The following CAPN9 variants were observed in gnomAD, a reference collection of about 807,000 sequenced individuals.
CAPN9 encodes calpain-9.
CAPN9 carries 81 observed loss-of-function variants against 92.8 expected under a neutral mutation model. The observed-to-expected ratio is 0.87, with a 90% CI of 0.73 to 1.05. The LOEUF (loss-of-function observed/expected upper bound fraction) is 1.05, where lower values mean the gene tolerates loss of function less well. Among genes scored for constraint, CAPN9 ranks in the 50% least tolerant of loss-of-function variants. The probability of loss-of-function intolerance (pLI) is 0.00; values close to 1 mark genes in which losing one functional copy is unlikely to be tolerated. For synonymous variants in CAPN9, 304 were observed against 328.0 expected (o/e 0.93, Z 0.79); for missense variants, 848 against 866.2 (o/e 0.98, Z 0.26).
intron 8 of CAPN9, among the ~76,000 whole-genome samples, chr1:230,775,824 G>A (rs1666720719): frequency 6.6e-6 from 1 of 151,728 alleles, no homozygotes; most frequent in East Asian, 1.9e-4. Context: ...GGCTGAGGCA[G>A]GAGAATGGCG....
chr1:230,753,629 C>G (rs935319619), intron 1 of CAPN9, among the ~76,000 whole-genome samples: 6 of 152,180 alleles, frequency 3.9e-5, no homozygotes, highest in Admixed American at 1.3e-4. Flanking sequence ...GAGCTCCCCA[C>G]GTGGCGTCCG....
chr1:230,787,342 A>T (rs1167747859), intron 12 of CAPN9, among the ~76,000 whole-genome samples, 180 bp from the exon 13 acceptor site: 1 of 152,104 alleles, frequency 6.6e-6, no homozygotes, highest in Non-Finnish European at 1.5e-5. Context: ...TTCTAGTCTC[A>T]CCTTCTAAAA....
intron 11 of CAPN9, among the ~76,000 whole-genome samples, chr1:230,784,492 C>T (rs1667444701): frequency 6.6e-6 from 1 of 152,270 alleles, no homozygotes; most frequent in African/African-American, 2.4e-5. Context: ...ACACTGTTAC[C>T]TGCATCCCAG....
chr1:230,760,387 G>A (rs1010292808), intron 3 of CAPN9, among the ~76,000 whole-genome samples: 3 of 152,036 alleles, frequency 2.0e-5, no homozygotes, highest in African/African-American at 7.2e-5. Flanking sequence ...CCGGCACAGA[G>A]CCAGGCACCG....
rs369351469 is a variant in CAPN9, at chr1:230,769,212, G to A, written c.738G>A (p.Thr246=). 3.7e-6 allele frequency: 6 copies of A among 1,614,150 alleles called. No homozygotes were observed. The highest frequency in any genetic ancestry group is 2.2e-5 in the South Asian group (2 of 91,082). The change falls in exon 6 of 20, where the codon ACG becomes ACA. Residue 246 remains threonine, a synonymous_variant. Transcript: ENST00000271971. ...TRSAAESEAR[T]PFGLIKGHAY... ...GTGCTGCAGAATCTGAGGCCCGGAC[G>A]CCGTTTGGTCTTATTAAGGGTCATG...
At position 230,783,237 on chromosome 1, in the gene CAPN9, G is replaced by A. The variant is rs566240122; in HGVS notation, c.1481+2529G>A. On this transcript the variant is annotated intron_variant, in intron 11 of 19. Coordinates refer to ENST00000271971, the MANE Select transcript of CAPN9 (RefSeq NM_006615.3). Reference sequence around the variant, plus strand: ...ACAAAACACTTTATCAGTTGCCCTTGTTAAAGTACATTAAAGAAATAAGGA... The same window carrying A: ...ACAAAACACTTTATCAGTTGCCCTTATTAAAGTACATTAAAGAAATAAGGA... Among the ~76,000 whole-genome samples the A allele has an allele frequency of 1.2e-3, 186 of 152,310 alleles. 1 individual carries two copies. Among genetic ancestry groups the A allele is most frequent in the African/African-American group, 4.2e-3 (174 of 41,572 alleles).
At chr1:230,750,878 T>C (rs1664717271) in intron 1 of CAPN9, among the ~76,000 whole-genome samples, 1 of 152,024 alleles carries the variant, frequency 6.6e-6, no homozygotes, top group South Asian at 2.1e-4. Context: ...GGTGATAGGC[T>C]CAACCTGGAG....
At chr1:230,748,147 A>G (rs1664546711) in intron 1 of CAPN9, among the ~76,000 whole-genome samples, 1 of 152,184 alleles carries the variant, frequency 6.6e-6, no homozygotes, top group Non-Finnish European at 1.5e-5. Flanking sequence ...TGGCTCAGCA[A>G]GGTCTCAGCA....
intron 11 of CAPN9, among the ~76,000 whole-genome samples, chr1:230,784,207 A>AT (rs1255191621): frequency 6.6e-6 from 1 of 152,254 alleles, no homozygotes; most frequent in Non-Finnish European, 1.5e-5. Context: ...GGGCATAAAA[A>AT]TTTGGAAAAT....
intron 4 of CAPN9, among the ~76,000 whole-genome samples, chr1:230,766,212 C>T (rs892518224): frequency 5.9e-5 from 9 of 152,232 alleles, no homozygotes; most frequent in African/African-American, 2.2e-4. Context: ...TCTCCTGCCT[C>T]AGCCTCCCGA....
Position 230,769,162 on chromosome 1 carries a change from G to A in CAPN9, c.706-18G>A. ...TGACTTAGACGGTGGGTGTGACTCTGCTCTTTCCATGTTTTAGACCAGAAG... is the reference window on the plus strand; with the variant it reads ...TGACTTAGACGGTGGGTGTGACTCTACTCTTTCCATGTTTTAGACCAGAAG... On this transcript the variant is annotated intron_variant, in intron 5 of 19. Transcript: ENST00000271971. 1.2e-6 allele frequency: 2 copies of A among 1,608,312 alleles called. No homozygotes were observed. The highest frequency in any genetic ancestry group is 1.7e-6 in the Non-Finnish European group (2 of 1,174,964).
intron 2 of CAPN9, among the ~76,000 whole-genome samples, chr1:230,756,715 C>T (rs928702895): frequency 1.3e-5 from 2 of 152,096 alleles, no homozygotes; most frequent in African/African-American, 4.8e-5. Flanking sequence ...GCAGGAGAAT[C>T]GCTTGAGCCG....
At position 230,792,933 on chromosome 1, in the gene CAPN9, A is replaced by C; in HGVS notation, c.1870+5A>C. On this transcript the variant is annotated splice_donor_5th_base_variant and intron_variant, in intron 17 of 19. Transcript: ENST00000271971. ...GGACTGCACTGAAAGCTGCAGGTAA[A>C]GAAAAGACTGGAGTACAGGTGGCTG... 6.2e-7 allele frequency: 1 copy of C among 1,610,238 alleles called. No homozygotes were observed. Among genetic ancestry groups the C allele is most frequent in the Non-Finnish European group, 8.5e-7 (1 of 1,176,624 alleles).
rs1667883983 is a variant in CAPN9 at position 230,790,194 on chromosome 1, G to T, written c.1657+5G>T. Reference sequence around the variant, plus strand: ...TAAATGCTGTGCTGCAAAAGAGTAAGTGCCAACCCCATCGGGGTCCTGGGG... The same window carrying T: ...TAAATGCTGTGCTGCAAAAGAGTAATTGCCAACCCCATCGGGGTCCTGGGG... On this transcript the variant is annotated splice_donor_5th_base_variant and intron_variant, in intron 14 of 19. Coordinates refer to ENST00000271971, the MANE Select transcript of CAPN9 (RefSeq NM_006615.3). The T allele has an allele frequency of 6.2e-7, 1 of 1,613,956 alleles. No individual in the cohort carries two copies. Among genetic ancestry groups the T allele is most frequent in the African/African-American group, 1.3e-5 (1 of 74,922 alleles).
rs1192757784 is a variant in CAPN9, at chr1:230,801,234, C to T, written c.2047-336C>T. On this transcript the variant is annotated intron_variant, in intron 19 of 19. Coordinates refer to ENST00000271971, the MANE Select transcript of CAPN9 (RefSeq NM_006615.3). ...CAAAGGTGAGAGGACCCCTCATCAA[C>T]AAGGAAAAGTCACTTAATACTGCCC... Among the ~76,000 whole-genome samples, 4 of 152,068 alleles carry T rather than the reference C, an allele frequency of 2.6e-5. No individual in the cohort carries two copies. In the East Asian group the frequency reaches 7.7e-4, roughly 29 times the overall value.
chr1:230,787,192 G>A (rs1300676812), intron 12 of CAPN9, among the ~76,000 whole-genome samples: 3 of 152,202 alleles, frequency 2.0e-5, no homozygotes, highest in Admixed American at 6.5e-5. Flanking sequence ...TTCCAGTCCA[G>A]GGTGGTAAGA....
chr1:230,757,741 A>T (rs908953202), intron 2 of CAPN9, among the ~76,000 whole-genome samples: 1 of 147,176 alleles, frequency 6.8e-6, no homozygotes, highest in Non-Finnish European at 1.5e-5. Flanking sequence ...AAAAACTAGA[A>T]CACACTTGGA....
chr1:230,784,350 G>T (rs1667432552), intron 11 of CAPN9, among the ~76,000 whole-genome samples: 1 of 152,198 alleles, frequency 6.6e-6, no homozygotes, highest in Non-Finnish European at 1.5e-5. Context: ...AAGACAATGG[G>T]GAAAAGGCCT....
At chr1:230,749,687 G>C (rs1664645403) in intron 1 of CAPN9, among the ~76,000 whole-genome samples, 2 of 152,182 alleles carry the variant, frequency 1.3e-5, no homozygotes, top group Non-Finnish European at 2.9e-5. Flanking sequence ...AAGGTTGGAA[G>C]CACTTTTTCT....
Sources: allele counts gnomAD v4.1 joint callset (sites outside exome capture counted in the v4.1 genomes callset), GRCh38; gene constraint gnomAD v4.1.1; transcripts MANE v1.5; gene names NCBI Gene and HGNC (gene_info 2026-07-23, HGNC 2026-07-21).